SLC27A6: variants seen among roughly 807,000 people sequenced by gnomAD.
The protein encoded by SLC27A6 is long-chain fatty acid transport protein 6.
A neutral mutation model predicts 63.9 loss-of-function variants in SLC27A6; 74 were observed. The observed-to-expected ratio is 1.16, with a 90% CI of 0.96 to 1.40. The LOEUF (loss-of-function observed/expected upper bound fraction) is 1.40, where lower values mean the gene tolerates loss of function less well. Ranked by LOEUF, SLC27A6 falls within the 40% of genes most tolerant of loss-of-function variation. The pLI is 0.00. For synonymous variants in SLC27A6, 287 were observed against 260.8 expected, an observed-to-expected ratio of 1.10 and a Z score of -0.97; for missense variants, 794 against 732.9, an observed-to-expected ratio of 1.08 and a Z score of -0.96.
intron 4 of SLC27A6, among the ~76,000 whole-genome samples, chr5:128,999,778 T>C (rs180896566): frequency 6.6e-6 from 1 of 152,246 alleles, no homozygotes; most frequent in Admixed American, 6.6e-5. Context: ...CAGAGTGGGC[T>C]TCTCTGACCT....
chr5:129,023,554 T>TAACTAAATGC, intron 5 of SLC27A6, 66 bp from the exon 6 acceptor site: 1 of 1,158,562 alleles, frequency 8.6e-7, no homozygotes, highest in Non-Finnish European at 1.3e-6. Context: ...AAATTGCTTG[T>TAACTAAATGC]ACAAGTAACT....
At position 128,985,112 on chromosome 5, in the gene SLC27A6, T is replaced by C. The variant is rs767060643; in HGVS notation, c.482-21T>C. ...TGAGATTTAAGGTTTGCTTAACTCT[T>C]CCCAACCCTTTGGCTTTTAGATTTG... On this transcript the variant is annotated intron_variant, in intron 1 of 9. Transcript: ENST00000262462. 2.5e-6 allele frequency: 4 copies of C among 1,594,222 alleles called. No individual in the cohort carries two copies. The Admixed American group carries it at 6.7e-5, about 27-fold the overall frequency.
chr5:129,021,912 G>T lies in SLC27A6; in HGVS notation c.1165-1708G>T, dbSNP rs538761479. Among the ~76,000 whole-genome samples the T allele has an allele frequency of 1.5e-4, 23 of 152,208 alleles. No homozygotes were observed. In the South Asian group the frequency reaches 1.7e-3, roughly 11 times the overall value. ...GAATGAATCTCACCCACACACAGTTGCCCAATTAATCTAAAAGAAATAACA... is the reference window on the plus strand; with the variant it reads ...GAATGAATCTCACCCACACACAGTTTCCCAATTAATCTAAAAGAAATAACA... On this transcript the variant is annotated intron_variant, in intron 5 of 9. Transcript: ENST00000262462.
chr5:128,977,743 A>G (rs939413987), intron 1 of SLC27A6, among the ~76,000 whole-genome samples: 1 of 152,212 alleles, frequency 6.6e-6, no homozygotes, highest in Non-Finnish European at 1.5e-5. Flanking sequence ...AAAATAATGT[A>G]TAAAAACATT....
intron 1 of SLC27A6, among the ~76,000 whole-genome samples, chr5:128,977,255 GAACAA>G (rs1750421707): frequency 6.6e-6 from 1 of 152,180 alleles, no homozygotes; most frequent in Admixed American, 6.5e-5. Context: ...ATTTAGCAGT[GAACAA>G]AACAAATTTC....
chr5:128,990,539 C>T, intron 4 of SLC27A6, 75 bp downstream of exon 4: 2 of 1,403,450 alleles, frequency 1.4e-6, no homozygotes, highest in Non-Finnish European at 1.9e-6. Flanking sequence ...ATTTTTATTT[C>T]TTTGTTTATA....
intron 4 of SLC27A6, among the ~76,000 whole-genome samples, chr5:128,999,501 T>G (rs1160533824): frequency 6.6e-6 from 1 of 152,130 alleles, no homozygotes; most frequent in Non-Finnish European, 1.5e-5. Context: ...AACTTAACTC[T>G]CAAATTGGTG....
chr5:129,002,328 A>G (rs1751365839), intron 4 of SLC27A6, among the ~76,000 whole-genome samples: 1 of 152,238 alleles, frequency 6.6e-6, no homozygotes, highest in African/African-American at 2.4e-5. Context: ...AAACCACTGA[A>G]TTAGAAACTC....
Position 129,033,306 on chromosome 5 carries a change from T to TA in SLC27A6, c.*25dup, listed in dbSNP as rs1752469982. 7.0e-7 allele frequency: 1 copy of TA among 1,430,670 alleles called. No homozygotes were observed. Among genetic ancestry groups the TA allele is most frequent in the African/African-American group, 1.4e-5 (1 of 69,344 alleles). 88.6% of individuals were successfully genotyped at this position (1,430,670 alleles called of 1,614,324 possible). A position where few individuals can be genotyped will look rare whatever the true frequency, so the allele number is the denominator to read the frequency against. ...AAGATTTTTATATCTAGAACTTTCA[T>TA]ATGCTTTCTTAGGAAGAGTGAGAGG... On this transcript the variant is annotated 3_prime_UTR_variant, in exon 10 of 10. Transcript: ENST00000262462.
At chr5:128,994,205 A>G (rs1751079211) in intron 4 of SLC27A6, among the ~76,000 whole-genome samples, 1 of 152,168 alleles carries the variant, frequency 6.6e-6, no homozygotes, top group South Asian at 2.1e-4. Flanking sequence ...TTAATTTTTA[A>G]CTAAATCTCT....
chr5:128,985,446 T>G, intron 2 of SLC27A6, 110 bp downstream of exon 2: 1 of 797,228 alleles, frequency 1.3e-6, no homozygotes, highest in Non-Finnish European at 2.1e-6. Flanking sequence ...GAATGCATGC[T>G]TGCAAGAAGA....
rs766836348 is a variant in SLC27A6, at chr5:129,033,155, T to G, written c.1733T>G (p.Val578Gly). The G allele has an allele frequency of 1.2e-6, 2 of 1,609,078 alleles. No homozygotes were observed. The highest frequency in any genetic ancestry group is 1.7e-5 in the Admixed American group (1 of 59,406). The change falls in exon 10 of 10, where the codon GTG becomes GGG. Residue 578 changes from valine to glycine, a missense_variant. Coordinates refer to ENST00000262462, the MANE Select transcript of SLC27A6 (RefSeq NM_001017372.3). The stretch of plus-strand genomic sequence containing the variant: ...TTCAAACTATTGAAGCATCAGTTGG[T>G]GGAAGATGGATTTAATCCACTGAAA... The part of the protein sequence containing the change: ...GTFKLLKHQL[V>G]EDGFNPLKIS...
intron 1 of SLC27A6, among the ~76,000 whole-genome samples, chr5:128,975,991 T>C (rs2150129474): frequency 6.6e-6 from 1 of 152,180 alleles, no homozygotes; most frequent in African/African-American, 2.4e-5. Context: ...TCAATTATTT[T>C]CTTTTGTAAC....
chr5:128,990,605 G>A, intron 4 of SLC27A6, 141 bp downstream of exon 4: 1 of 864,708 alleles, frequency 1.2e-6, no homozygotes, highest in Non-Finnish European at 1.7e-6. Context: ...ATAGTGGCAG[G>A]TGCTACCTAG....
Position 128,966,097 on chromosome 5 carries a change from G to T in SLC27A6, c.-41G>T. The T allele has an allele frequency of 6.6e-7, 1 of 1,516,136 alleles. No individual in the cohort carries two copies. The highest frequency in any genetic ancestry group is 1.4e-5 in the South Asian group (1 of 73,420). 93.9% of individuals were successfully genotyped at this position (1,516,136 alleles called of 1,614,324 possible). A position where few individuals can be genotyped will look rare whatever the true frequency, so the allele number is the denominator to read the frequency against. ...GTGCCTGGAAGAGAAGGACGCTGGT[G>T]GGGGCTGAGATCAGAGCTGTCTTCT... is the stretch of plus-strand genomic sequence containing the variant. On this transcript the variant is annotated 5_prime_UTR_variant, in exon 1 of 10. Coordinates refer to ENST00000262462, the MANE Select transcript of SLC27A6 (RefSeq NM_001017372.3).
rs73242060 is a variant in SLC27A6, at chr5:128,993,290, G to A, written c.969+2826G>A. 6.7e-3 allele frequency among the ~76,000 whole-genome samples: 1,027 copies of A among 152,218 alleles called. 14 individuals carry two copies. Among genetic ancestry groups the A allele is most frequent in the African/African-American group, 0.023 (973 of 41,560 alleles). The stretch of plus-strand genomic sequence containing the variant: ...AAAGTCCTTGAAACATGGTGAGTAA[G>A]AGTAAAAGCAGGCCAATTTCCAAGG... On this transcript the variant is annotated intron_variant, in intron 4 of 9. Transcript: ENST00000262462.
chr5:128,985,290 A>T lies in SLC27A6; in HGVS notation c.639A>T (p.Ser213=). ...EPVPRSHHVV[S]LLKSTCLYIF... Reference sequence around the variant, plus strand: ...TGCCACGCAGCCACCATGTTGTCTCACTCCTCAAGTCTACTTGTCTTTACA... The same window carrying T: ...TGCCACGCAGCCACCATGTTGTCTCTCTCCTCAAGTCTACTTGTCTTTACA... The change falls in exon 2 of 10, where the codon TCA becomes TCT. Residue 213 remains serine, a synonymous_variant. Transcript: ENST00000262462. 1 of 1,613,774 alleles carries T rather than the reference A, an allele frequency of 6.2e-7. No homozygotes were observed. The highest frequency in any genetic ancestry group is 8.5e-7 in the Non-Finnish European group (1 of 1,179,826).
intron 2 of SLC27A6, 31 bp downstream of exon 2, chr5:128,985,367 G>A (rs1366741701): frequency 6.3e-7 from 1 of 1,594,888 alleles, no homozygotes; most frequent in Non-Finnish European, 8.6e-7. Context: ...AGGCTAAAAT[G>A]AATGCGAGAA....
chr5:129,011,216 A>G (rs1751715876), intron 4 of SLC27A6, among the ~76,000 whole-genome samples: 2 of 152,160 alleles, frequency 1.3e-5, no homozygotes, highest in South Asian at 4.1e-4. Context: ...ATTAGTAGAT[A>G]TTGCTAATCA....
Sources: gnomAD v4.1 joint callset for allele counts (sites outside exome capture counted in the v4.1 genomes callset) on GRCh38, gnomAD v4.1.1 for gene constraint, MANE v1.5 for transcripts, NCBI Gene and HGNC (gene_info 2026-07-23, HGNC 2026-07-21) for gene names.